The following DCX variants were observed in gnomAD, a reference collection of about 807,000 sequenced individuals.
DCX encodes doublecortin, also known as neuronal migration protein doublecortin.
A neutral mutation model predicts 20.9 loss-of-function variants in DCX; 4 were observed. That is an observed-to-expected ratio of 0.19 (90% CI 0.09 to 0.44). The LOEUF is 0.44. Ranked by LOEUF, DCX falls within the 20% of genes least tolerant of loss-of-function variation. The pLI is 0.99. For missense variants in DCX, 133 were observed against 296.9 expected (o/e 0.45, Z 4.06); for synonymous variants, 103 against 111.4 (o/e 0.92, Z 0.47).
chrX:111,352,640 A>T (rs964602478), intron 3 of DCX, among the ~76,000 whole-genome samples: 1 of 111,845 alleles, frequency 8.9e-6, no homozygotes, highest in Non-Finnish European at 1.9e-5. Context: ...CTATGGTTTC[A>T]GTACAACACT....
intron 3 of DCX, among the ~76,000 whole-genome samples, chrX:111,343,447 A>G (rs1239046381): frequency 1.1e-5 from 1 of 91,404 alleles, no homozygotes; most frequent in Non-Finnish European, 2.1e-5. Context: ...ACCAACCAAG[A>G]AAAAAAAAAA....
chrX:111,405,627 T>C (rs1354053382), intron 2 of DCX, among the ~76,000 whole-genome samples: 5 of 109,424 alleles, frequency 4.6e-5, no homozygotes, highest in African/African-American at 1.7e-4. Flanking sequence ...GATACTTACA[T>C]ACAAGAAAAT....
At chrX:111,360,358 G>A (rs904438520) in intron 3 of DCX, among the ~76,000 whole-genome samples, 2 of 111,621 alleles carry the variant, frequency 1.8e-5, no homozygotes, top group African/African-American at 6.5e-5. Context: ...GACAAACATT[G>A]CATCTTCTCA....
At chrX:111,326,218 C>A (rs2095099176) in intron 5 of DCX, among the ~76,000 whole-genome samples, 2 of 111,190 alleles carry the variant, frequency 1.8e-5, no homozygotes, top group African/African-American at 3.3e-5. Flanking sequence ...TGAAGAATAG[C>A]AAACTAATTA....
chrX:111,384,295 G>A (rs182576585), intron 3 of DCX, among the ~76,000 whole-genome samples: 35 of 111,321 alleles, frequency 3.1e-4, no homozygotes, highest in Non-Finnish European at 5.3e-4. Flanking sequence ...ATCTAAGTGC[G>A]TATGCATTAT....
intron 3 of DCX, among the ~76,000 whole-genome samples, chrX:111,333,425 G>A (rs777906266): frequency 1.8e-5 from 2 of 111,191 alleles, no homozygotes; most frequent in South Asian, 3.8e-4. Flanking sequence ...ATGGAATGCC[G>A]TTTTCTGAAG....
At chrX:111,370,219 A>T (rs1200549924) in intron 3 of DCX, among the ~76,000 whole-genome samples, 1 of 111,589 alleles carries the variant, frequency 9.0e-6, no homozygotes. Context: ...CAGTCATTTT[A>T]CTCTTTAGTA....
At chrX:111,410,010 G>T (rs1928562586) in intron 2 of DCX, 25 bp downstream of exon 2, 4 of 1,210,490 alleles carry the variant, frequency 3.3e-6, no homozygotes, top group Non-Finnish European at 4.5e-6. Context: ...TCCCACCAAC[G>T]GCCACCACCC....
intron 5 of DCX, among the ~76,000 whole-genome samples, chrX:111,318,750 CA>C (rs895151013): frequency 9.0e-6 from 1 of 110,750 alleles, no homozygotes; most frequent in African/African-American, 3.3e-5. Flanking sequence ...ATGATGAGAA[CA>C]CATGGACACA....
chrX:111,304,777 AG>A (rs1320610613), intron 6 of DCX, among the ~76,000 whole-genome samples: 1 of 112,144 alleles, frequency 8.9e-6, no homozygotes, highest in African/African-American at 3.2e-5. Flanking sequence ...GAAAGGAAAA[AG>A]TCATAGAATT....
chrX:111,342,339 T>TTATATA (rs60045433), intron 3 of DCX, among the ~76,000 whole-genome samples: 446 of 20,657 alleles, frequency 0.022, 30 homozygotes, highest in Non-Finnish European at 0.032. Flanking sequence ...GAGCTAACTA[T>TTATATA]TATATATATA....
chrX:111,321,280 T>C (rs973493769), intron 5 of DCX, among the ~76,000 whole-genome samples: 24 of 112,032 alleles, frequency 2.1e-4, no homozygotes, highest in African/African-American at 5.2e-4. Context: ...TCTGGGAAGA[T>C]AGTATCTATG....
chrX:111,308,816 C>T (rs2095051166), intron 6 of DCX, among the ~76,000 whole-genome samples: 1 of 111,376 alleles, frequency 9.0e-6, no homozygotes, highest in Admixed American at 9.5e-5. Context: ...AATCACTGAT[C>T]TGAAAATTTA....
intron 5 of DCX, among the ~76,000 whole-genome samples, chrX:111,328,283 A>G (rs1226318245): frequency 9.0e-6 from 1 of 111,442 alleles, no homozygotes; most frequent in Non-Finnish European, 1.9e-5. Context: ...GGGATCTCTT[A>G]TATTGTAACT....
chrX:111,342,734 A>G (rs1030456576), intron 3 of DCX, among the ~76,000 whole-genome samples: 7 of 110,527 alleles, frequency 6.3e-5, no homozygotes, highest in African/African-American at 2.3e-4. Flanking sequence ...CCACAGTGCA[A>G]TCAAATTAGA....
At chrX:111,331,428 C>T (rs1921234548) in intron 4 of DCX, among the ~76,000 whole-genome samples, 1 of 112,127 alleles carries the variant, frequency 8.9e-6, no homozygotes, top group Non-Finnish European at 1.9e-5. Context: ...TACAGCTACA[C>T]AGATGAAACA....
intron 3 of DCX, among the ~76,000 whole-genome samples, chrX:111,338,696 C>CTTTTTTTTT (rs200133621): frequency 1.9e-3 from 175 of 94,140 alleles, no homozygotes; most frequent in African/African-American, 6.4e-3. Context: ...TCTGTAGTGC[C>CTTTTTTTTT]TTTTTTTTTT....
intron 3 of DCX, among the ~76,000 whole-genome samples, chrX:111,391,242 C>T (rs1017756644): frequency 1.8e-5 from 2 of 110,566 alleles, no homozygotes; most frequent in African/African-American, 3.3e-5. Context: ...TTGGCACTTC[C>T]CCATTGCTCT....
intron 3 of DCX, among the ~76,000 whole-genome samples, chrX:111,362,189 G>A (rs1324887695): frequency 9.0e-6 from 1 of 111,263 alleles, no homozygotes; most frequent in Non-Finnish European, 1.9e-5. Context: ...GAAAAAAGAT[G>A]GAGAAAAAAC....
Sources: gnomAD v4.1 joint callset for allele counts (sites outside exome capture counted in the v4.1 genomes callset) on GRCh38, gnomAD v4.1.1 for gene constraint, MANE v1.5 for transcripts, NCBI Gene and HGNC (gene_info 2026-07-23, HGNC 2026-07-21) for gene names.